The following ZNF85 variants were observed in gnomAD, a reference collection of about 807,000 sequenced individuals.
ZNF85 encodes zinc finger protein 85 (HPF4, HTF1).
In ZNF85, 50 loss-of-function variants were observed where a neutral mutation model predicts 53.9. The ratio of observed to expected loss-of-function variants is 0.93; its 90% CI spans 0.74 to 1.17. ZNF85 has a LOEUF of 1.17. ZNF85 is among the 50% of genes most tolerant of loss of function. ZNF85 has a pLI of 0.00. For missense variants in ZNF85, 747 were observed against 688.5 expected (o/e 1.08, Z -0.95); for synonymous variants, 225 against 226.1 (o/e 1.00, Z 0.04).
intron 1 of ZNF85, among the ~76,000 whole-genome samples, chr19:20,924,194 A>C (rs1242301102): frequency 6.6e-6 from 1 of 152,178 alleles, no homozygotes; most frequent in Non-Finnish European, 1.5e-5. Flanking sequence ...TTTGTGGTCC[A>C]TGGGAGGAGC....
Position 20,949,557 on chromosome 19 carries a change from G to A in ZNF85, c.1043G>A (p.Gly348Glu). The change falls in exon 4 of 4, where the codon GGA (glycine) becomes GAA (glutamate). Residue 348 changes from glycine (G) to glutamate (E), a missense_variant. Transcript: ENST00000328178. ...AAACCCTACAAATGTAAAAAATGTG[G>A]AAAAGCCTTTAACCAGTCTGCACAC... is the stretch of plus-strand genomic sequence containing the variant. ...GEKPYKCKKCGKAFNQSAHLT... is the reference protein window; with the variant it reads ...GEKPYKCKKCEKAFNQSAHLT... 2 of 1,597,908 alleles carry A rather than the reference G, an allele frequency of 1.3e-6. No homozygotes were observed. Among genetic ancestry groups the A allele is most frequent in the Middle Eastern group, 1.7e-4 (1 of 5,974 alleles).
intron 3 of ZNF85, among the ~76,000 whole-genome samples, chr19:20,938,558 T>C (rs1471645846): frequency 6.6e-6 from 1 of 152,218 alleles, no homozygotes; most frequent in Non-Finnish European, 1.5e-5. Flanking sequence ...TTGCTGATGT[T>C]ACTCTCTATA....
chr19:20,930,235 T>C (rs1206464492), intron 1 of ZNF85, among the ~76,000 whole-genome samples: 1 of 149,406 alleles, frequency 6.7e-6, no homozygotes, highest in Non-Finnish European at 1.5e-5. Flanking sequence ...ATGGTAAAAA[T>C]AAAGTATGTA....
intron 1 of ZNF85, among the ~76,000 whole-genome samples, chr19:20,925,877 T>G (rs759920212): frequency 2.6e-5 from 4 of 152,242 alleles, no homozygotes; most frequent in Non-Finnish European, 5.9e-5. Context: ...TAAATTGCAT[T>G]TGATTAGTAA....
At position 20,934,977 on chromosome 19, in the gene ZNF85, C is replaced by G; in HGVS notation, c.159C>G (p.Ile53Met). 1 of 1,610,850 alleles carries G rather than the reference C, an allele frequency of 6.2e-7. No homozygotes were observed. Among genetic ancestry groups the G allele is most frequent in the Non-Finnish European group, 8.5e-7 (1 of 1,178,434 alleles). The change falls in exon 3 of 4, where the codon ATC (isoleucine) becomes ATG (methionine). Residue 53 changes from isoleucine to methionine, a missense_variant. Coordinates refer to ENST00000328178, the MANE Select transcript of ZNF85 (RefSeq NM_003429.5). The stretch of plus-strand genomic sequence containing the variant: ...TTACTGTTTCTAAGCCAGACCTGAT[C>G]ACTTGTCTGGAGCAAGGGAAAGAGG... ...LGITVSKPDL[I>M]TCLEQGKEAW...
At chr19:20,945,669 G>A (rs1019643816) in intron 3 of ZNF85, 1 of 152,178 alleles carries the variant, frequency 6.6e-6, no homozygotes, top group African/African-American at 2.4e-5. Flanking sequence ...ATTTTTAGTG[G>A]AGGTGGGGTT....
At position 20,923,724 on chromosome 19, in the gene ZNF85, G is replaced by A. The variant is rs1049051510; in HGVS notation, c.3+321G>A. On this transcript the variant is annotated intron_variant, in intron 1 of 3. Coordinates refer to ENST00000328178, the MANE Select transcript of ZNF85 (RefSeq NM_003429.5). Reference sequence around the variant, plus strand: ...GGTTGTCAGGGGAGAATCCTGACTCGGGGTGCGGGTTCATGAAAGAGCTTT... The same window carrying A: ...GGTTGTCAGGGGAGAATCCTGACTCAGGGTGCGGGTTCATGAAAGAGCTTT... Among the ~76,000 whole-genome samples the A allele has an allele frequency of 6.6e-5, 10 of 152,120 alleles. 1 individual carries two copies. The highest frequency in any genetic ancestry group is 5.9e-4 in the Admixed American group (9 of 15,278).
chr19:20,932,844 C>G (rs887282919), intron 1 of ZNF85, among the ~76,000 whole-genome samples: 6 of 152,000 alleles, frequency 3.9e-5, no homozygotes, highest in Non-Finnish European at 8.8e-5. Context: ...TTTGGAGGAG[C>G]AGTATCACAG....
chr19:20,939,391 A>G (rs1440926730), intron 3 of ZNF85, among the ~76,000 whole-genome samples: 2 of 151,970 alleles, frequency 1.3e-5, no homozygotes, highest in African/African-American at 4.8e-5. Context: ...AGTAGCTGGG[A>G]CTACAGGCAC....
chr19:20,938,850 A>ATATG (rs1555793966), intron 3 of ZNF85, among the ~76,000 whole-genome samples: 3,028 of 141,066 alleles, frequency 0.021, 39 homozygotes, highest in African/African-American at 0.04. Context: ...ATTCTGCTAT[A>ATATG]TGTGTGTGTG....
At position 20,935,058 on chromosome 19, in the gene ZNF85, G is replaced by A. The variant is rs375282018; in HGVS notation, c.229+11G>A. On this transcript the variant is annotated intron_variant, in intron 3 of 3. Coordinates refer to ENST00000328178, the MANE Select transcript of ZNF85 (RefSeq NM_003429.5). ...TGGCCAAACCCACAGGTAGGTGAAA[G>A]TGAAAATGAATACAGCAGATGACAC... is the stretch of plus-strand genomic sequence containing the variant. 3.8e-6 allele frequency: 6 copies of A among 1,593,444 alleles called. No individual in the cohort carries two copies. The highest frequency in any genetic ancestry group is 1.7e-4 in the Middle Eastern group (1 of 6,020).
chr19:20,938,605 T>C (rs1457690639), intron 3 of ZNF85, among the ~76,000 whole-genome samples: 5 of 152,224 alleles, frequency 3.3e-5, no homozygotes, highest in Admixed American at 3.3e-4. Context: ...CAAACTTTTC[T>C]GTAATTTTAG....
chr19:20,947,532 T>C (rs1860658243), intron 3 of ZNF85, among the ~76,000 whole-genome samples: 1 of 125,014 alleles, frequency 8.0e-6, no homozygotes, highest in Non-Finnish European at 1.6e-5. Context: ...ATTTCAGGAC[T>C]ATTACAATAT....
chr19:20,948,949 A>C lies in ZNF85; in HGVS notation c.435A>C (p.Ile145=). The change falls in exon 4 of 4, where the codon ATA becomes ATC. Residue 145 remains isoleucine (I), a synonymous_variant. Transcript: ENST00000328178. ...GTCTCACAGCTACCCAGAGCAAAAT[A>C]TTTCAATGTGATAAATATGTAAAAG... ...NQCLTATQSK[I]FQCDKYVKVA... The C allele has an allele frequency of 6.2e-7, 1 of 1,613,750 alleles. No homozygotes were observed.
At chr19:20,940,037 G>T (rs1041665412) in intron 3 of ZNF85, among the ~76,000 whole-genome samples, 1 of 151,178 alleles carries the variant, frequency 6.6e-6, no homozygotes, top group Non-Finnish European at 1.5e-5. Flanking sequence ...TTGTTTAAGT[G>T]AGTAGTTATG....
intron 3 of ZNF85, among the ~76,000 whole-genome samples, chr19:20,935,865 A>C (rs576235746): frequency 6.6e-6 from 1 of 152,072 alleles, no homozygotes; most frequent in Non-Finnish European, 1.5e-5. Context: ...TAGAATTTTG[A>C]TAGGGAGTTT....
intron 3 of ZNF85, among the ~76,000 whole-genome samples, chr19:20,946,859 G>T (rs984515027): frequency 2.0e-5 from 3 of 151,970 alleles, no homozygotes; most frequent in Non-Finnish European, 4.4e-5. Context: ...AGAAAGGCAA[G>T]TTGAATCCTG....
At chr19:20,948,162 G>GT (rs1385354963) in intron 3 of ZNF85, among the ~76,000 whole-genome samples, 1 of 152,000 alleles carries the variant, frequency 6.6e-6, no homozygotes, top group African/African-American at 2.4e-5. Flanking sequence ...GTCTTTTTTA[G>GT]TTAAAGGAGT....
intron 3 of ZNF85, chr19:20,942,747 A>C (rs1973326770): frequency 2.9e-6 from 2 of 684,896 alleles, no homozygotes; most frequent in Non-Finnish European, 5.3e-6. Context: ...ACAGTGTATA[A>C]TTTTTGTCTG....
Sources: gnomAD v4.1 joint callset for allele counts (sites outside exome capture counted in the v4.1 genomes callset) on GRCh38, gnomAD v4.1.1 for gene constraint, MANE v1.5 for transcripts, NCBI Gene and HGNC (gene_info 2026-07-23, HGNC 2026-07-21) for gene names.